The following CMIP variants were observed in gnomAD, a reference collection of about 807,000 sequenced individuals.
CMIP encodes the protein c-Maf inducing protein.
A neutral mutation model predicts 97.3 loss-of-function variants in CMIP; 13 were observed. That is an observed-to-expected ratio of 0.13 (90% CI 0.09 to 0.21). The LOEUF (loss-of-function observed/expected upper bound fraction) is 0.21, where lower values mean the gene tolerates loss of function less well. Ranked by LOEUF, CMIP falls within the 10% of genes least tolerant of loss-of-function variation. The pLI is 1.00. For synonymous variants in CMIP, 538 were observed against 436.3 expected (o/e 1.23, Z -2.91); for missense variants, 847 against 1,024.9 (o/e 0.83, Z 2.37).
At chr16:81,656,269 T>C (rs2092480928) in intron 4 of CMIP, among the ~76,000 whole-genome samples, 2 of 152,202 alleles carry the variant, frequency 1.3e-5, no homozygotes, top group Non-Finnish European at 2.9e-5. Context: ...CAAGCTTTTC[T>C]TTTGCCTTGG....
chr16:81,531,061 G>A (rs2150822516), intron 1 of CMIP, among the ~76,000 whole-genome samples: 1 of 152,292 alleles, frequency 6.6e-6, no homozygotes, highest in East Asian at 1.9e-4. Flanking sequence ...GTACCTGTGA[G>A]CATGACCTTC....
chr16:81,560,331 G>A (rs2090856801), intron 1 of CMIP, among the ~76,000 whole-genome samples: 1 of 151,086 alleles, frequency 6.6e-6, no homozygotes, highest in African/African-American at 2.4e-5. Flanking sequence ...CCATTCTCCT[G>A]CCTCAGCCTC....
intron 1 of CMIP, among the ~76,000 whole-genome samples, chr16:81,503,383 A>G (rs953482430): frequency 1.3e-5 from 2 of 151,768 alleles, no homozygotes; most frequent in African/African-American, 4.8e-5. Flanking sequence ...AGTCCCAGAT[A>G]CCTCTGATCC....
intron 3 of CMIP, chr16:81,645,712 G>A: frequency 7.7e-7 from 1 of 1,298,400 alleles, no homozygotes; most frequent in Non-Finnish European, 1.1e-6. Flanking sequence ...GCTGGCTGGT[G>A]GGGCTTGGGC....
chr16:81,581,598 G>T (rs1389882988), intron 1 of CMIP, among the ~76,000 whole-genome samples: 1 of 152,222 alleles, frequency 6.6e-6, no homozygotes, highest in African/African-American at 2.4e-5. Flanking sequence ...GTGCTTGGCT[G>T]TATTTGTTTG....
intron 1 of CMIP, among the ~76,000 whole-genome samples, chr16:81,460,788 C>T (rs1906853536): frequency 6.6e-6 from 1 of 152,158 alleles, no homozygotes; most frequent in Non-Finnish European, 1.5e-5. Flanking sequence ...ATCTCTTGCA[C>T]TTGGACTCTT....
In CMIP at chr16:81,667,783, AGAGAGAGAGAGAGAGAGTGT is replaced by A. The variant is rs1275621151; in HGVS notation, c.826-2357_826-2338del. On this transcript the variant is annotated intron_variant, in intron 7 of 20. Coordinates refer to ENST00000537098, the MANE Select transcript of CMIP (RefSeq NM_198390.3). The stretch of plus-strand genomic sequence containing the variant: ...GGGAGAGAAAGAGAGAGAGAGAGAG[AGAGAGAGAGAGAGAGAGTGT>A]GTGTGTGTGTGTGTGTGTGTGTGTG... 4.1e-5 allele frequency among the ~76,000 whole-genome samples: 5 copies of A among 122,652 alleles called. No homozygotes were observed. The East Asian group carries it at 8.1e-4, about 20-fold the overall frequency. The allele number at this position is 122,652 out of a possible 152,430, so 80.5% of individuals were successfully genotyped here.
At chr16:81,670,855 G>T (rs1369918560) in intron 8 of CMIP, among the ~76,000 whole-genome samples, 1 of 152,098 alleles carries the variant, frequency 6.6e-6, no homozygotes, top group Non-Finnish European at 1.5e-5. Context: ...TTGAGATGGA[G>T]TCTCGCTCTG....
At chr16:81,536,886 C>T (rs891512008) in intron 1 of CMIP, among the ~76,000 whole-genome samples, 1 of 152,140 alleles carries the variant, frequency 6.6e-6, no homozygotes, top group Admixed American at 6.5e-5. Flanking sequence ...AATCAAGAGA[C>T]AACATACTGA....
intron 13 of CMIP, chr16:81,696,044 G>A: frequency 5.6e-6 from 1 of 178,790 alleles, no homozygotes; most frequent in Non-Finnish European, 1.2e-5. Context: ...GGGGGCAGCA[G>A]AACCCCAGAG....
At chr16:81,517,888 A>G in intron 1 of CMIP, 1 of 976,676 alleles carries the variant, frequency 1.0e-6, no homozygotes. Flanking sequence ...GTGGCTGCAG[A>G]CATCTCTTTT....
At chr16:81,579,219 G>T (rs74029202) in intron 1 of CMIP, among the ~76,000 whole-genome samples, 10,169 of 152,240 alleles carry the variant, frequency 0.067, 690 homozygotes, top group African/African-American at 0.17. Flanking sequence ...GGAGGAAGAT[G>T]AAGGTGAAGG....
At position 81,445,214 on chromosome 16, in the gene CMIP, G is replaced by A. The variant is rs1430459474; in HGVS notation, c.-28G>A. The A allele has an allele frequency of 9.4e-6, 6 of 636,440 alleles. No individual in the cohort carries two copies. The highest frequency in any genetic ancestry group is 5.2e-4 in the Middle Eastern group (1 of 1,922). 39.4% of individuals were successfully genotyped at this position (636,440 alleles called of 1,614,324 possible). On this transcript the variant is annotated 5_prime_UTR_variant, in exon 1 of 21. Coordinates refer to ENST00000537098, the MANE Select transcript of CMIP (RefSeq NM_198390.3). ...CAGCCCAGGACAGCCCCCTCTCCCC[G>A]CCCCCAGCCCCCTCCCCCGGCGCGG...
intron 8 of CMIP, 122 bp from the exon 9 acceptor site, chr16:81,671,844 C>T: frequency 1.7e-6 from 1 of 574,520 alleles, no homozygotes. Context: ...TCAGAGCCCC[C>T]CAAGTGGCGC....
At position 81,569,391 on chromosome 16, in the gene CMIP, A is replaced by T. The variant is rs987674540; in HGVS notation, c.301-38176A>T. On this transcript the variant is annotated intron_variant, in intron 1 of 20. Transcript: ENST00000537098. ...TCTGAACCTAGGGTAACCAGCCTCAAGCCCGTGCTCTCCTTTTTTGCTTAT... is the reference window on the plus strand; with the variant it reads ...TCTGAACCTAGGGTAACCAGCCTCATGCCCGTGCTCTCCTTTTTTGCTTAT... Among the ~76,000 whole-genome samples, 16 of 152,348 alleles carry T rather than the reference A, an allele frequency of 1.1e-4. 1 individual carries two copies. The highest frequency in any genetic ancestry group is 3.4e-4 in the African/African-American group (14 of 41,576).
chr16:81,650,750 G>C (rs971875094), intron 3 of CMIP, among the ~76,000 whole-genome samples: 1 of 152,146 alleles, frequency 6.6e-6, no homozygotes, highest in African/African-American at 2.4e-5. Flanking sequence ...GGACCACATG[G>C]GTCCAGGATG....
intron 1 of CMIP, among the ~76,000 whole-genome samples, chr16:81,604,727 G>A (rs2091714411): frequency 6.6e-6 from 1 of 152,048 alleles, no homozygotes; most frequent in Admixed American, 6.6e-5. Context: ...AAAACAGTAT[G>A]TATTTATTTA....
chr16:81,635,658 G>T (rs1446319152), intron 3 of CMIP, among the ~76,000 whole-genome samples: 1 of 152,212 alleles, frequency 6.6e-6, no homozygotes, highest in East Asian at 1.9e-4. Context: ...ATTTGTATTT[G>T]ATTATCCGTG....
chr16:81,484,331 T>C (rs1167753513), intron 1 of CMIP, among the ~76,000 whole-genome samples: 1 of 152,198 alleles, frequency 6.6e-6, no homozygotes, highest in Non-Finnish European at 1.5e-5. Context: ...AAACCGCCTG[T>C]GAAGGAGGCC....
Sources: gnomAD v4.1 joint callset for allele counts (sites outside exome capture counted in the v4.1 genomes callset) on GRCh38, gnomAD v4.1.1 for gene constraint, MANE v1.5 for transcripts, NCBI Gene and HGNC (gene_info 2026-07-23, HGNC 2026-07-21) for gene names.